The following ANKRD62 variants were observed in gnomAD, a reference collection of about 807,000 sequenced individuals.
ANKRD62 encodes the protein ankyrin repeat domain-containing protein 62.
In ANKRD62, 61 loss-of-function variants were observed where a neutral mutation model predicts 98.8. The observed-to-expected ratio is 0.62, with a 90% CI of 0.50 to 0.76. The LOEUF (loss-of-function observed/expected upper bound fraction) is 0.76. Ranked by LOEUF, ANKRD62 falls within the 30% of genes least tolerant of loss-of-function variation. The probability of loss-of-function intolerance (pLI) is 0.00; values close to 1 mark genes in which losing one functional copy is unlikely to be tolerated. For synonymous variants in ANKRD62, 341 were observed against 367.9 expected, an observed-to-expected ratio of 0.93 and a Z score of 0.84; for missense variants, 933 against 1,082.9, an observed-to-expected ratio of 0.86 and a Z score of 1.94.
intron 6 of ANKRD62, among the ~76,000 whole-genome samples, 181 bp downstream of exon 6, chr18:12,099,863 A>G (rs770573657): frequency 3.3e-4 from 50 of 152,154 alleles, no homozygotes; most frequent in African/African-American, 1.2e-3. Flanking sequence ...CTTGTAGGCA[A>G]GTTATAATCT....
Position 12,095,418 on chromosome 18 carries a change from C to T in ANKRD62, c.334-19C>T. On this transcript the variant is annotated intron_variant, in intron 2 of 13. Coordinates refer to ENST00000587848, the MANE Select transcript of ANKRD62 (RefSeq NM_001277333.2). ...ATTTCCTAGAATTTACAGTCTATTTCTTGGTCTAATACTGACAGGCTGTAC... is the reference window on the plus strand; with the variant it reads ...ATTTCCTAGAATTTACAGTCTATTTTTTGGTCTAATACTGACAGGCTGTAC... 1 of 1,560,394 alleles carries T rather than the reference C, an allele frequency of 6.4e-7. No homozygotes were observed. Among genetic ancestry groups the T allele is most frequent in the Non-Finnish European group, 8.6e-7 (1 of 1,156,596 alleles).
chr18:12,105,284 G>T (rs1434206915), intron 7 of ANKRD62, among the ~76,000 whole-genome samples: 2 of 152,162 alleles, frequency 1.3e-5, no homozygotes, highest in African/African-American at 4.8e-5. Flanking sequence ...AACTATAAAA[G>T]AATAGAACTT....
the ANKRD62 span, among the ~76,000 whole-genome samples, chr18:12,158,711 T>G: frequency 6.8e-6 from 1 of 147,528 alleles, no homozygotes; most frequent in Non-Finnish European, 1.5e-5. Flanking sequence ...TTTTTTTGTA[T>G]TTTTAGTAGA....
chr18:12,130,144 G>A (rs1250199454), downstream of ANKRD62, among the ~76,000 whole-genome samples: 1 of 152,040 alleles, frequency 6.6e-6, no homozygotes, highest in Non-Finnish European at 1.5e-5. Flanking sequence ...AGGCTATTTT[G>A]AAATGCATAA....
At position 12,128,061 on chromosome 18, in the gene ANKRD62, C is replaced by G; in HGVS notation, c.*122C>G. 3.8e-6 allele frequency: 2 copies of G among 527,152 alleles called. No homozygotes were observed. Among genetic ancestry groups the G allele is most frequent in the Non-Finnish European group, 5.7e-6 (2 of 349,546 alleles). The allele number at this position is 527,152 out of a possible 1,614,324, so 32.7% of individuals were successfully genotyped here. ...CTTTATAATACATCCATTTCTCAAT[C>G]TCTGCCATGTTTTATAATTATAAAT... On this transcript the variant is annotated 3_prime_UTR_variant, in exon 14 of 14. Coordinates refer to ENST00000587848, the MANE Select transcript of ANKRD62 (RefSeq NM_001277333.2).
At chr18:12,124,893 T>G (rs1017785329) in intron 12 of ANKRD62, among the ~76,000 whole-genome samples, 1 of 152,186 alleles carries the variant, frequency 6.6e-6, no homozygotes, top group Non-Finnish European at 1.5e-5. Flanking sequence ...TTTATTGATG[T>G]ATGCATACAA....
At chr18:12,106,524 G>A (rs1368135296) in intron 7 of ANKRD62, among the ~76,000 whole-genome samples, 3 of 152,096 alleles carry the variant, frequency 2.0e-5, no homozygotes, top group Non-Finnish European at 2.9e-5. Flanking sequence ...AGTATTATCA[G>A]GTTTTGTGCA....
At chr18:12,172,015 T>C in the ANKRD62 span, among the ~76,000 whole-genome samples, 4 of 152,202 alleles carry the variant, frequency 2.6e-5, no homozygotes, top group Non-Finnish European at 5.9e-5. Flanking sequence ...CTGTGATGTT[T>C]ATTCTAGTTA....
chr18:12,163,412 A>C, the ANKRD62 span, among the ~76,000 whole-genome samples: 1 of 152,084 alleles, frequency 6.6e-6, no homozygotes, highest in Non-Finnish European at 1.5e-5. Flanking sequence ...TTGTGTGTGA[A>C]GTCTTTAGGT....
At chr18:12,110,555 C>T (rs1294374926) in intron 8 of ANKRD62, among the ~76,000 whole-genome samples, 3 of 152,122 alleles carry the variant, frequency 2.0e-5, no homozygotes, top group African/African-American at 4.8e-5. Flanking sequence ...ATTAGGTCAT[C>T]CACGATAATG....
rs1259057553 is a variant in ANKRD62, at chr18:12,103,207, A to G, written c.870A>G (p.Gly290=). The G allele has an allele frequency of 1.5e-6, 2 of 1,360,830 alleles. No individual in the cohort carries two copies. Among genetic ancestry groups the G allele is most frequent in the African/African-American group, 1.5e-5 (1 of 66,890 alleles). The allele number at this position is 1,360,830 out of a possible 1,614,324, so 84.3% of individuals were successfully genotyped here. The part of the protein sequence containing the change: ...TSEGEQERLE[G]CESSQPQVEE... ...AGGGAGAGCAAGAAAGGCTTGAAGG[A>G]TGTGAAAGTAGCCAGCCACAGGTAT... The change falls in exon 7 of 14, where the codon GGA becomes GGG. Residue 290 remains glycine (G), a synonymous_variant. Coordinates refer to ENST00000587848, the MANE Select transcript of ANKRD62 (RefSeq NM_001277333.2).
chr18:12,139,345 T>A, the ANKRD62 span, among the ~76,000 whole-genome samples: 1 of 152,200 alleles, frequency 6.6e-6, no homozygotes, highest in Admixed American at 6.5e-5. Flanking sequence ...TGAAAATTCT[T>A]TTCTTTAAGA....
At chr18:12,158,213 A>C in the ANKRD62 span, among the ~76,000 whole-genome samples, 1 of 152,312 alleles carries the variant, frequency 6.6e-6, no homozygotes, top group East Asian at 1.9e-4. Context: ...AGAGGTAGTA[A>C]ATGAGAAGGC....
rs185741321 is a variant in ANKRD62 at position 12,104,947 on chromosome 18, T to A, written c.891+1719T>A. ...CACAGAACATGCTTTTAACATAGAC[T>A]GGGAGAATTTTATAATGACACAAAA... On this transcript the variant is annotated intron_variant, in intron 7 of 13. Coordinates refer to ENST00000587848, the MANE Select transcript of ANKRD62 (RefSeq NM_001277333.2). Among the ~76,000 whole-genome samples the A allele has an allele frequency of 1.1e-4, 17 of 152,188 alleles. No individual in the cohort carries two copies. In the East Asian group the frequency reaches 3.3e-3, roughly 29 times the overall value.
At chr18:12,134,967 A>G in the ANKRD62 span, among the ~76,000 whole-genome samples, 7 of 152,022 alleles carry the variant, frequency 4.6e-5, no homozygotes, top group African/African-American at 1.7e-4. Flanking sequence ...CACAATAGTT[A>G]AACTAATTTA....
the ANKRD62 span, among the ~76,000 whole-genome samples, chr18:12,145,038 AAGGCTG>A: frequency 6.6e-6 from 1 of 151,694 alleles, no homozygotes; most frequent in Non-Finnish European, 1.5e-5. Flanking sequence ...AGCTGCTCGG[AAGGCTG>A]AGGCTGGAGA....
the ANKRD62 span, among the ~76,000 whole-genome samples, chr18:12,139,417 G>A: frequency 1.8e-4 from 27 of 152,048 alleles, no homozygotes; most frequent in Non-Finnish European, 3.4e-4. Context: ...GGTTGAGGAG[G>A]GCGGATCACG....
chr18:12,102,466 C>T (rs1909323081), intron 6 of ANKRD62: 7 of 431,864 alleles, frequency 1.6e-5, no homozygotes, highest in South Asian at 4.3e-5. Context: ...TCCAGAGAAC[C>T]GCCATCTCAT....
Position 12,125,630 on chromosome 18 carries a change from T to C in ANKRD62, c.1809T>C (p.Leu603=). 6.5e-7 allele frequency: 1 copy of C among 1,527,160 alleles called. No homozygotes were observed. Among genetic ancestry groups the C allele is most frequent in the Non-Finnish European group, 8.7e-7 (1 of 1,144,492 alleles). 94.6% of individuals were successfully genotyped at this position (1,527,160 alleles called of 1,614,324 possible). A position where few individuals can be genotyped will look rare whatever the true frequency, so the allele number is the denominator to read the frequency against. ...IEIIKENNED[L]EKTLKRNEEA... ...TTATAAAGGAAAACAATGAAGACCT[T>C]GAAAAGACTCTCAAGCGGAATGAGG... The change falls in exon 13 of 14, where the codon CTT becomes CTC. Residue 603 remains leucine, a synonymous_variant. Transcript: ENST00000587848.
Sources: allele counts gnomAD v4.1 joint callset (sites outside exome capture counted in the v4.1 genomes callset), GRCh38; gene constraint gnomAD v4.1.1; transcripts MANE v1.5; gene names NCBI Gene and HGNC (gene_info 2026-07-23, HGNC 2026-07-21).